Variants in PTK2 observed in about 807,000 individuals in gnomAD.
PTK2 encodes focal adhesion kinase 1.
A neutral mutation model predicts 150.1 loss-of-function variants in PTK2; 45 were observed. The observed-to-expected ratio is 0.30, with a 90% CI of 0.24 to 0.38. The LOEUF is 0.38. Among genes scored for constraint, PTK2 ranks in the 10% least tolerant of loss-of-function variants. The pLI is 1.00. For missense variants in PTK2, 919 were observed against 1,307.3 expected (o/e 0.70, Z 4.58); for synonymous variants, 432 against 449.2 (o/e 0.96, Z 0.48).
At chr8:140,703,572 G>A (rs900720244) in intron 24 of PTK2, among the ~76,000 whole-genome samples, 1 of 151,512 alleles carries the variant, frequency 6.6e-6, no homozygotes, top group African/African-American at 2.4e-5. Flanking sequence ...CCCCTTTCCT[G>A]CCCAACAACC....
At chr8:140,675,334 T>C in intron 28 of PTK2, 126 bp downstream of exon 31, 1 of 994,484 alleles carries the variant, frequency 1.0e-6, no homozygotes, top group Non-Finnish European at 1.5e-6. Flanking sequence ...AACATCGTAC[T>C]TGCTGTGGTC....
intron 14 of PTK2, among the ~76,000 whole-genome samples, chr8:140,765,479 TA>T (rs974300319): frequency 2.0e-4 from 29 of 148,494 alleles, no homozygotes; most frequent in Admixed American, 1.0e-3. Flanking sequence ...GTGATTACAG[TA>T]AAAAAAAAAG....
chr8:140,859,671 G>A (rs561140672), intron 5 of PTK2, among the ~76,000 whole-genome samples: 94 of 152,220 alleles, frequency 6.2e-4, no homozygotes, highest in African/African-American at 2.1e-3. Context: ...CTTACGTAAC[G>A]TTTCAGCTGC....
intron 10 of PTK2, among the ~76,000 whole-genome samples, chr8:140,816,921 G>A (rs575344298): frequency 4.6e-5 from 7 of 152,198 alleles, no homozygotes; most frequent in East Asian, 1.9e-4. Context: ...TATTTGAAAC[G>A]AACCCTGCAG....
chr8:140,853,737 G>A (rs553990482), intron 5 of PTK2, among the ~76,000 whole-genome samples: 2 of 152,238 alleles, frequency 1.3e-5, no homozygotes, highest in Admixed American at 6.5e-5. Flanking sequence ...AAAGGGAGAA[G>A]AAATGTACAC....
chr8:140,767,461 T>C (rs887022047), intron 14 of PTK2, among the ~76,000 whole-genome samples: 4 of 152,204 alleles, frequency 2.6e-5, no homozygotes, highest in East Asian at 1.9e-4. Context: ...TTCATATGTA[T>C]GGTAATATCT....
intron 17 of PTK2, among the ~76,000 whole-genome samples, chr8:140,747,484 GA>G: frequency 5.1e-5 from 1 of 19,784 alleles, no homozygotes; most frequent in South Asian, 2.3e-3. Context: ...GGAGGGGGAA[GA>G]GGAGGGGGAA....
chr8:140,859,839 C>A (rs2100135008), intron 5 of PTK2, among the ~76,000 whole-genome samples: 1 of 146,880 alleles, frequency 6.8e-6, no homozygotes. Flanking sequence ...AACCCTTTCC[C>A]AAGTTGGGTG....
intron 5 of PTK2, among the ~76,000 whole-genome samples, chr8:140,856,121 T>C (rs2100132431): frequency 6.6e-6 from 1 of 151,994 alleles, no homozygotes; most frequent in African/African-American, 2.4e-5. Context: ...GAAGTGAACA[T>C]AAAAACCACC....
At position 140,820,942 on chromosome 8, in the gene PTK2, G is replaced by A. The variant is rs577306516; in HGVS notation, c.649-1922C>T. On this transcript the variant is annotated intron_variant, in intron 8 of 31. Coordinates refer to ENST00000522684, the Ensembl canonical transcript of PTK2. ...GTCAGGTACACCGTAAACTAGGAGG[G>A]CATGGCATACTTTGGTGGGGTCATG... The A allele has an allele frequency of 9.8e-5, 15 of 152,410 alleles. No individual in the cohort carries two copies. The South Asian group carries it at 2.5e-3, about 25-fold the overall frequency. The allele number at this position is 152,410 out of a possible 1,614,324, so 9.4% of individuals were successfully genotyped here.
chr8:140,938,026 A>G (rs1046051893), intron 1 of PTK2, among the ~76,000 whole-genome samples: 2 of 152,236 alleles, frequency 1.3e-5, no homozygotes, highest in Non-Finnish European at 2.9e-5. Flanking sequence ...TGATCTCTAC[A>G]TTATTCTAAC....
rs187790651 is a variant in PTK2, at chr8:140,967,990, C to T, written c.-122+33135G>A. ...GAATGTGAATATGTTATGAAAATCA[C>T]CAGAGCAAACAAAAGCTTCTTTATG... On this transcript the variant is annotated intron_variant, in intron 1 of 31. Coordinates refer to ENST00000522684, the Ensembl canonical transcript of PTK2. Among the ~76,000 whole-genome samples, 4 of 152,226 alleles carry T rather than the reference C, an allele frequency of 2.6e-5. No homozygotes were observed. The East Asian group carries it at 5.8e-4, about 22-fold the overall frequency.
At chr8:140,877,328 C>A (rs564632139) in intron 4 of PTK2, among the ~76,000 whole-genome samples, 27 of 152,278 alleles carry the variant, frequency 1.8e-4, no homozygotes, top group African/African-American at 6.5e-4. Context: ...GCCACCACAC[C>A]TAGCCAACTT....
intron 15 of PTK2, among the ~76,000 whole-genome samples, chr8:140,763,857 G>C (rs2100070755): frequency 6.6e-6 from 1 of 151,970 alleles, no homozygotes; most frequent in South Asian, 2.1e-4. Context: ...GTATGTATGT[G>C]TATTATACAT....
chr8:140,879,693 AAAAAAAAACC>A (rs2100147942), intron 3 of PTK2, 56 bp from the exon 4 acceptor site: 2 of 1,265,484 alleles, frequency 1.6e-6, no homozygotes, highest in Admixed American at 3.0e-5. Flanking sequence ...AAAAAAAAAA[AAAAAAAAACC>A]AAAACAAAAC....
intron 26 of PTK2, among the ~76,000 whole-genome samples, chr8:140,699,370 G>A (rs1274882415): frequency 6.6e-6 from 1 of 152,160 alleles, no homozygotes; most frequent in Non-Finnish European, 1.5e-5. Flanking sequence ...TTAGTTCTGA[G>A]GCTGAGGGCA....
At chr8:140,973,655 C>T (rs1480475191) in intron 1 of PTK2, among the ~76,000 whole-genome samples, 3 of 152,184 alleles carry the variant, frequency 2.0e-5, no homozygotes, top group South Asian at 4.1e-4. Context: ...ACAACATGCA[C>T]TTAAACTAAG....
chr8:140,815,066 G>A (rs555683197), intron 10 of PTK2, among the ~76,000 whole-genome samples: 131 of 152,138 alleles, frequency 8.6e-4, no homozygotes, highest in South Asian at 3.5e-3. Context: ...GAGCCACCGC[G>A]CCCGGCCAAA....
intron 14 of PTK2, among the ~76,000 whole-genome samples, chr8:140,773,017 A>G (rs2100076405): frequency 6.6e-6 from 1 of 152,232 alleles, no homozygotes; most frequent in African/African-American, 2.4e-5. Context: ...AGGTTGGGAA[A>G]GGATTCCATG....
Sources: allele counts gnomAD v4.1 joint callset (sites outside exome capture counted in the v4.1 genomes callset), GRCh38; gene constraint gnomAD v4.1.1; transcripts MANE v1.5; gene names NCBI Gene and HGNC (gene_info 2026-07-23, HGNC 2026-07-21).